The following CYP4Z1 variants were observed in gnomAD, a reference collection of about 807,000 sequenced individuals.
CYP4Z1 encodes the protein cytochrome P450 family 4 subfamily Z member 1.
A neutral mutation model predicts 54.2 loss-of-function variants in CYP4Z1; 41 were observed. The observed-to-expected ratio is 0.76, with a 90% CI of 0.59 to 0.98. CYP4Z1 has a LOEUF of 0.98. Among genes scored for constraint, CYP4Z1 ranks in the 50% least tolerant of loss-of-function variants. The pLI is 0.00. For synonymous variants in CYP4Z1, 163 were observed against 206.2 expected (o/e 0.79, Z 1.79); for missense variants, 513 against 599.0 (o/e 0.86, Z 1.50).
At chr1:47,084,767 T>C in intron 5 of CYP4Z1, 23 bp downstream of exon 5, 22 of 1,613,150 alleles carry the variant, frequency 1.4e-5, no homozygotes, top group Non-Finnish European at 1.9e-5. Flanking sequence ...AGGAAGGTAA[T>C]TGTTTGCCAA....
rs1489261388 is a variant in CYP4Z1 at position 47,118,192 on chromosome 1, T to A, written c.*258T>A. The A allele has an allele frequency of 1.2e-5, 4 of 339,612 alleles. No individual in the cohort carries two copies. The highest frequency in any genetic ancestry group is 2.2e-5 in the Non-Finnish European group (4 of 185,446). The allele number at this position is 339,612 out of a possible 1,614,324, so 21.0% of individuals were successfully genotyped here. A position where few individuals can be genotyped will look rare whatever the true frequency, so the allele number is the denominator to read the frequency against. On this transcript the variant is annotated 3_prime_UTR_variant, in exon 12 of 12. Transcript: ENST00000334194. ...AATTATTGGTTTGTGTAACTAGTGG[T>A]AGAGTGGCTTTCAAGCATAGTTTGA...
At chr1:47,115,467 GA>G (rs376649524) in intron 9 of CYP4Z1, 61 bp from the exon 10 acceptor site, 22,975 of 1,026,560 alleles carry the variant, frequency 0.022, no homozygotes, top group East Asian at 0.026. Flanking sequence ...AAGTAAAAGA[GA>G]AAAAAAAAAA....
At chr1:47,083,357 T>G (rs955728131) in intron 4 of CYP4Z1, among the ~76,000 whole-genome samples, 1 of 152,196 alleles carries the variant, frequency 6.6e-6, no homozygotes, top group Non-Finnish European at 1.5e-5. Context: ...CATATAAATA[T>G]AGTGACTGCA....
chr1:47,074,977 A>T (rs1847227), intron 2 of CYP4Z1: 1 of 297,854 alleles, frequency 3.4e-6, no homozygotes, highest in Non-Finnish European at 5.9e-6. Flanking sequence ...GGTAGGCTTG[A>T]TCTTGATGGT....
At chr1:47,057,327 G>GTAAAAAAAAAAAAAAAA in the CYP4Z1 span, among the ~76,000 whole-genome samples, 1 of 18,040 alleles carries the variant, frequency 5.5e-5, no homozygotes. Context: ...TACTTCTTAA[G>GTAAAAAAAAAAAAAAAA]AAAAAAAAAT....
At chr1:47,107,106 T>A (rs1208463551) in intron 9 of CYP4Z1, among the ~76,000 whole-genome samples, 5 of 152,320 alleles carry the variant, frequency 3.3e-5, no homozygotes, top group African/African-American at 1.2e-4. Context: ...ACTATTGTAA[T>A]AACAAAAACA....
At chr1:47,093,765 G>C (rs1273684420) in intron 6 of CYP4Z1, among the ~76,000 whole-genome samples, 4 of 152,212 alleles carry the variant, frequency 2.6e-5, no homozygotes, top group Non-Finnish European at 5.9e-5. Context: ...CCTGTTCACA[G>C]AAGTAGCTTA....
At chr1:47,100,864 T>G (rs753303972) in intron 8 of CYP4Z1, among the ~76,000 whole-genome samples, 1 of 152,230 alleles carries the variant, frequency 6.6e-6, no homozygotes, top group Non-Finnish European at 1.5e-5. Context: ...TAAATAATGC[T>G]TTTAAGAACA....
At chr1:47,088,076 G>T (rs962472387) in intron 6 of CYP4Z1, among the ~76,000 whole-genome samples, 1 of 152,160 alleles carries the variant, frequency 6.6e-6, no homozygotes, top group Non-Finnish European at 1.5e-5. Flanking sequence ...GCTTTTTGAT[G>T]TGCTGCTGGA....
At chr1:47,102,558 C>T (rs1644728995) in intron 8 of CYP4Z1, among the ~76,000 whole-genome samples, 1 of 152,170 alleles carries the variant, frequency 6.6e-6, no homozygotes, top group African/African-American at 2.4e-5. Context: ...CTGCTTGTTT[C>T]TCCTTCATTT....
chr1:47,057,559 T>G, the CYP4Z1 span, among the ~76,000 whole-genome samples: 6 of 148,308 alleles, frequency 4.0e-5, no homozygotes, highest in African/African-American at 1.2e-4. Flanking sequence ...AGTCACTGAA[T>G]TTTTCTTTTG....
At chr1:47,093,748 G>C (rs1355633472) in intron 6 of CYP4Z1, among the ~76,000 whole-genome samples, 1 of 152,164 alleles carries the variant, frequency 6.6e-6, no homozygotes, top group Non-Finnish European at 1.5e-5. Flanking sequence ...GCTAAAGGCA[G>C]AACTTTCCTG....
At chr1:47,084,564 T>C (rs1644577661) in intron 4 of CYP4Z1, 56 bp from the exon 5 acceptor site, 17 of 1,535,202 alleles carry the variant, frequency 1.1e-5, no homozygotes, top group South Asian at 2.5e-5. Flanking sequence ...TAAAATAACT[T>C]AGAAATTGGG....
intron 11 of CYP4Z1, 118 bp downstream of exon 11, chr1:47,116,850 T>G (rs1364854904): frequency 8.3e-6 from 6 of 722,850 alleles, no homozygotes; most frequent in South Asian, 7.3e-5. Flanking sequence ...TTATTTTACC[T>G]GGCTTGTCTT....
intron 1 of CYP4Z1, 80 bp from the exon 2 acceptor site, chr1:47,068,542 A>G: frequency 1.9e-6 from 3 of 1,550,110 alleles, no homozygotes; most frequent in Non-Finnish European, 1.8e-6. Context: ...TCCTCAACTT[A>G]GCACATGGTC....
intron 7 of CYP4Z1, among the ~76,000 whole-genome samples, chr1:47,096,210 G>T (rs908119284): frequency 6.6e-6 from 1 of 152,128 alleles, no homozygotes; most frequent in African/African-American, 2.4e-5. Context: ...TTAAGGCCAG[G>T]AGTCTGAGAC....
At chr1:47,102,454 A>T (rs1644728396) in intron 8 of CYP4Z1, among the ~76,000 whole-genome samples, 1 of 152,084 alleles carries the variant, frequency 6.6e-6, no homozygotes, top group African/African-American at 2.4e-5. Context: ...AAGTATTTTC[A>T]TTATGGCAGT....
intron 2 of CYP4Z1, among the ~76,000 whole-genome samples, chr1:47,076,503 A>G (rs529543270): frequency 6.6e-6 from 1 of 151,748 alleles, no homozygotes; most frequent in South Asian, 2.1e-4. Context: ...GCCTCAAAAT[A>G]TTTTCTAATG....
chr1:47,111,821 A>C (rs1481857475), intron 9 of CYP4Z1, among the ~76,000 whole-genome samples: 3 of 152,136 alleles, frequency 2.0e-5, no homozygotes, highest in African/African-American at 7.2e-5. Flanking sequence ...TAGCAACAAA[A>C]ATTTTTCAAA....
Sources: allele counts gnomAD v4.1 joint callset (sites outside exome capture counted in the v4.1 genomes callset), GRCh38; gene constraint gnomAD v4.1.1; transcripts MANE v1.5; gene names NCBI Gene and HGNC (gene_info 2026-07-23, HGNC 2026-07-21).